Variants in GPT2 observed in about 807,000 individuals in gnomAD.
GPT2 encodes the protein alanine aminotransferase 2.
A neutral mutation model predicts 56.9 loss-of-function variants in GPT2; 30 were observed. That is an observed-to-expected ratio of 0.53 (90% confidence interval 0.39 to 0.72). The LOEUF (loss-of-function observed/expected upper bound fraction) is 0.72, where lower values mean the gene tolerates loss of function less well. Ranked by LOEUF, GPT2 falls within the 30% of genes least tolerant of loss-of-function variation. The pLI is 0.00. For synonymous variants in GPT2, 271 were observed against 283.1 expected, an observed-to-expected ratio of 0.96 and a Z score of 0.43; for missense variants, 542 against 703.4, an observed-to-expected ratio of 0.77 and a Z score of 2.60.
At chr16:46,889,225 G>A (rs1240996082) in intron 2 of GPT2, among the ~76,000 whole-genome samples, 1 of 132,022 alleles carries the variant, frequency 7.6e-6, no homozygotes, top group Non-Finnish European at 1.6e-5. Flanking sequence ...GACAGGGTTT[G>A]CCATGTTGCC....
intron 9 of GPT2, chr16:46,923,844 T>A (rs1961345620): frequency 4.8e-6 from 1 of 206,550 alleles, no homozygotes; most frequent in Non-Finnish European, 9.9e-6. Context: ...AATGGGCATG[T>A]GTCCTAGAAG....
chr16:46,889,464 A>G (rs187991440), intron 2 of GPT2, among the ~76,000 whole-genome samples: 1 of 152,066 alleles, frequency 6.6e-6, no homozygotes, highest in East Asian at 1.9e-4. Context: ...TATGTTGTCC[A>G]GGCTGGTCTC....
intron 2 of GPT2, chr16:46,885,401 TGGGG>T: frequency 4.2e-6 from 1 of 236,278 alleles, no homozygotes; most frequent in Non-Finnish European, 5.2e-6. Context: ...GGAGACGGGG[TGGGG>T]GGGGCTCTGC....
In GPT2 at chr16:46,929,170, T is replaced by C. The variant is rs2143589196; in HGVS notation, c.*173T>C. On this transcript the variant is annotated 3_prime_UTR_variant, in exon 12 of 12. Coordinates refer to ENST00000340124, the MANE Select transcript of GPT2 (RefSeq NM_133443.4). ...TTTGTGCCTTGATGTTGAGAGCGCC[T>C]CTCTTTTGAGCAAACAAGCATTCTA... 3 of 608,908 alleles carry C rather than the reference T, an allele frequency of 4.9e-6. No homozygotes were observed. Among genetic ancestry groups the C allele is most frequent in the East Asian group, 2.8e-5 (1 of 36,012 alleles). The allele number at this position is 608,908 out of a possible 1,614,324, so 37.7% of individuals were successfully genotyped here. A position where few individuals can be genotyped will look rare whatever the true frequency, so the allele number is the denominator to read the frequency against.
intron 6 of GPT2, chr16:46,916,185 A>T: frequency 6.4e-6 from 1 of 155,404 alleles, no homozygotes; most frequent in Non-Finnish European, 1.4e-5. Flanking sequence ...CGTCTCTACT[A>T]AAAATACAAA....
At chr16:46,907,528 T>C (rs893426064) in intron 5 of GPT2, among the ~76,000 whole-genome samples, 1 of 152,014 alleles carries the variant, frequency 6.6e-6, no homozygotes, top group East Asian at 1.9e-4. Flanking sequence ...AGGAGTGAAC[T>C]GGGAGAGGGG....
At chr16:46,906,327 T>G (rs1421309675) in intron 4 of GPT2, among the ~76,000 whole-genome samples, 5 of 152,170 alleles carry the variant, frequency 3.3e-5, no homozygotes, top group Non-Finnish European at 7.3e-5. Flanking sequence ...CTGCCTGGCC[T>G]CCCAAAATGC....
intron 3 of GPT2, among the ~76,000 whole-genome samples, chr16:46,899,342 G>A (rs1489719114): frequency 4.6e-5 from 7 of 152,152 alleles, no homozygotes; most frequent in Non-Finnish European, 8.8e-5. Context: ...ATGCAGTGCT[G>A]TGTGTGGTTA....
intron 2 of GPT2, among the ~76,000 whole-genome samples, chr16:46,890,140 T>C (rs4967602): frequency 0.8 from 121,966 of 152,126 alleles, 50,076 homozygotes; most frequent in East Asian, 0.99. Flanking sequence ...CGTGTGTAGC[T>C]GCAGCTCCGG....
intron 6 of GPT2, among the ~76,000 whole-genome samples, chr16:46,911,248 G>A (rs904037537): frequency 6.6e-6 from 1 of 152,140 alleles, no homozygotes; most frequent in Admixed American, 6.5e-5. Context: ...TGATCTTTCT[G>A]GGCCGCTGCC....
chr16:46,906,975 T>C lies in GPT2; in HGVS notation c.576T>C (p.Ser192=), dbSNP rs772220328. 1.9e-6 allele frequency: 3 copies of C among 1,614,208 alleles called. No individual in the cohort carries two copies. The South Asian group carries it at 3.3e-5, about 18-fold the overall frequency. Residue 192 remains serine, a splice_region_variant and synonymous_variant, in exon 5 of 12, where the codon TCT becomes TCC. Coordinates refer to ENST00000340124, the MANE Select transcript of GPT2 (RefSeq NM_133443.4). ...CCACGGGAGCTAGTGACGGCATTTC[T>C]GTACGTGTGAGGGTGGCTCGTTGTT... ...YLTTGASDGI[S]TILKILVSGG...
intron 2 of GPT2, among the ~76,000 whole-genome samples, chr16:46,892,082 C>A (rs1182940959): frequency 6.6e-6 from 1 of 152,166 alleles, no homozygotes; most frequent in South Asian, 2.1e-4. Flanking sequence ...ATGCACTCCC[C>A]CAACCCCACT....
At chr16:46,915,768 T>G (rs1273932224) in intron 6 of GPT2, 1 of 122,722 alleles carries the variant, frequency 8.1e-6, no homozygotes, top group Non-Finnish European at 1.7e-5. Flanking sequence ...ACACACCACA[T>G]ACACACACCC....
At chr16:46,885,154 C>A in intron 2 of GPT2, 196 bp downstream of exon 2, 2 of 1,315,668 alleles carry the variant, frequency 1.5e-6, no homozygotes, top group Non-Finnish European at 1.9e-6. Context: ...TCAGTGAGGC[C>A]TTGCAATACG....
At chr16:46,928,060 C>T (rs1471280647) in intron 11 of GPT2, among the ~76,000 whole-genome samples, 1 of 152,156 alleles carries the variant, frequency 6.6e-6, no homozygotes, top group Non-Finnish European at 1.5e-5. Flanking sequence ...TTCCAGAGGG[C>T]TGAGTGCAGT....
At chr16:46,919,635 A>G (rs1961244763) in intron 8 of GPT2, among the ~76,000 whole-genome samples, 1 of 152,292 alleles carries the variant, frequency 6.6e-6, no homozygotes, top group South Asian at 2.1e-4. Context: ...GAATTATAGG[A>G]GGCCAGGTCA....
At position 46,902,478 on chromosome 16, in the gene GPT2, C is replaced by T. The variant is rs560856569; in HGVS notation, c.442+1688C>T. Reference sequence around the variant, plus strand: ...GCGTGACAGGGACATAGTGGTGTCGCTCTCTGTCACCTACGCTCTGGGCAG... The same window carrying T: ...GCGTGACAGGGACATAGTGGTGTCGTTCTCTGTCACCTACGCTCTGGGCAG... On this transcript the variant is annotated intron_variant, in intron 4 of 11. Coordinates refer to ENST00000340124, the MANE Select transcript of GPT2 (RefSeq NM_133443.4). Among the ~76,000 whole-genome samples the T allele has an allele frequency of 2.9e-4, 44 of 152,300 alleles. No homozygotes were observed. In the South Asian group the frequency reaches 7.9e-3, roughly 27 times the overall value.
intron 7 of GPT2, among the ~76,000 whole-genome samples, chr16:46,917,754 A>T (rs1961198587): frequency 6.6e-6 from 1 of 152,122 alleles, no homozygotes; most frequent in Non-Finnish European, 1.5e-5. Context: ...ACACACAGAC[A>T]CACGTACATA....
At position 46,929,014 on chromosome 16, in the gene GPT2, G is replaced by A. The variant is rs754662687; in HGVS notation, c.*17G>A. 6.2e-7 allele frequency: 1 copy of A among 1,600,436 alleles called. No homozygotes were observed. The highest frequency in any genetic ancestry group is 8.6e-7 in the Non-Finnish European group (1 of 1,167,570). Reference sequence around the variant, plus strand: ...TACGCGTGAGGACGCCTGAGCCCCAGCGGGAGACCTGTCCTTGGCTCTTCC... The same window carrying A: ...TACGCGTGAGGACGCCTGAGCCCCAACGGGAGACCTGTCCTTGGCTCTTCC... On this transcript the variant is annotated 3_prime_UTR_variant, in exon 12 of 12. Coordinates refer to ENST00000340124, the MANE Select transcript of GPT2 (RefSeq NM_133443.4).
Sources: gnomAD v4.1 joint callset for allele counts (sites outside exome capture counted in the v4.1 genomes callset) on GRCh38, gnomAD v4.1.1 for gene constraint, MANE v1.5 for transcripts, NCBI Gene and HGNC (gene_info 2026-07-23, HGNC 2026-07-21) for gene names.